The following ESR1 variants were observed in gnomAD, a reference collection of about 807,000 sequenced individuals.
ESR1 encodes the protein estrogen receptor 1.
In ESR1, 12 loss-of-function variants were observed where a neutral mutation model predicts 52.7. The observed-to-expected ratio is 0.23, with a 90% CI of 0.15 to 0.37. ESR1 has a LOEUF of 0.37. Ranked by LOEUF, ESR1 falls within the 10% of genes least tolerant of loss-of-function variation. ESR1 has a pLI of 1.00. For synonymous variants in ESR1, 305 were observed against 316.8 expected (o/e 0.96, Z 0.39); for missense variants, 584 against 779.7 (o/e 0.75, Z 2.99).
intron 4 of ESR1, among the ~76,000 whole-genome samples, chr6:151,994,768 T>A (rs1023504821): frequency 1.3e-5 from 2 of 152,154 alleles, no homozygotes; most frequent in Non-Finnish European, 2.9e-5. Context: ...AATCTCATTT[T>A]AAAAATATCA....
At chr6:151,995,749 A>C (rs941695283) in intron 4 of ESR1, among the ~76,000 whole-genome samples, 1 of 152,164 alleles carries the variant, frequency 6.6e-6, no homozygotes, top group Non-Finnish European at 1.5e-5. Context: ...AACTGGATTG[A>C]ATCACCTTGA....
intron 1 of ESR1, among the ~76,000 whole-genome samples, chr6:151,666,627 C>G (rs1044280390): frequency 6.6e-6 from 1 of 151,802 alleles, no homozygotes; most frequent in Non-Finnish European, 1.5e-5. Context: ...AGCCAGAGCA[C>G]CTTCACTGAG....
At chr6:151,918,039 T>G (rs1156823065) in intron 3 of ESR1, among the ~76,000 whole-genome samples, 1 of 152,226 alleles carries the variant, frequency 6.6e-6, no homozygotes, top group Admixed American at 6.5e-5. Flanking sequence ...CAAGTGCTTT[T>G]CAGTCAGTCC....
intron 1 of ESR1, among the ~76,000 whole-genome samples, chr6:151,690,885 A>G (rs1203042240): frequency 6.6e-6 from 1 of 152,182 alleles, no homozygotes; most frequent in Admixed American, 6.5e-5. Flanking sequence ...CACTTCTAGA[A>G]TAATATTTAG....
At chr6:151,857,329 C>T (rs916886888) in intron 2 of ESR1, among the ~76,000 whole-genome samples, 5 of 151,852 alleles carry the variant, frequency 3.3e-5, no homozygotes, top group Admixed American at 6.6e-5. Context: ...GGATGATGTG[C>T]GTAGGTTATA....
intron 2 of ESR1, among the ~76,000 whole-genome samples, chr6:151,870,939 C>T (rs1342830701): frequency 1.3e-5 from 2 of 152,020 alleles, no homozygotes; most frequent in Non-Finnish European, 2.9e-5. Flanking sequence ...GCAACCTCGA[C>T]CTCCTAGGAT....
intron 4 of ESR1, among the ~76,000 whole-genome samples, chr6:151,954,757 G>A (rs2036712291): frequency 6.6e-6 from 1 of 152,196 alleles, no homozygotes; most frequent in South Asian, 2.1e-4. Context: ...TCCAAAACAT[G>A]CATTCAAGTT....
intron 2 of ESR1, among the ~76,000 whole-genome samples, chr6:151,846,746 G>A (rs1352569780): frequency 6.6e-6 from 1 of 152,200 alleles, no homozygotes; most frequent in Non-Finnish European, 1.5e-5. Context: ...AAAAAGCAAA[G>A]TGAAGGATGC....
intron 2 of ESR1, among the ~76,000 whole-genome samples, chr6:151,787,743 G>T (rs759017906): frequency 2.0e-5 from 3 of 152,070 alleles, no homozygotes; most frequent in African/African-American, 4.8e-5. Flanking sequence ...AGGAGCTTTT[G>T]GGCCAACACT....
At chr6:152,106,714 G>T (rs149300552), downstream of ESR1, among the ~76,000 whole-genome samples, 1 of 152,054 alleles carries the variant, frequency 6.6e-6, no homozygotes, top group African/African-American at 2.4e-5. Flanking sequence ...TTAGCCTCCC[G>T]AGTAGCTGGA....
chr6:152,002,840 G>A (rs1350406218), intron 4 of ESR1, among the ~76,000 whole-genome samples: 1 of 152,030 alleles, frequency 6.6e-6, no homozygotes, highest in Non-Finnish European at 1.5e-5. Context: ...AAGCTGTGCT[G>A]TATCAGAGTA....
At chr6:151,816,020 A>G (rs1229635708) in intron 1 of ESR1, among the ~76,000 whole-genome samples, 1 of 152,234 alleles carries the variant, frequency 6.6e-6, no homozygotes, top group Non-Finnish European at 1.5e-5. Context: ...TACGTGTTTG[A>G]TAAGCTTTAT....
chr6:151,977,090 C>T (rs1377302835), intron 4 of ESR1, among the ~76,000 whole-genome samples: 2 of 151,974 alleles, frequency 1.3e-5, no homozygotes, highest in Admixed American at 1.3e-4. Flanking sequence ...TATTACTGAG[C>T]TGGCAAGAAA....
chr6:151,739,602 C>T (rs2128054796), intron 2 of ESR1, among the ~76,000 whole-genome samples: 1 of 152,336 alleles, frequency 6.6e-6, no homozygotes, highest in East Asian at 1.9e-4. Context: ...TTCACTAAGC[C>T]TTTCTCCTTG....
intron 5 of ESR1, among the ~76,000 whole-genome samples, chr6:152,045,815 AAGTGGAGCTTAGTAATTAAAG>A (rs2046187078): frequency 6.6e-6 from 1 of 152,208 alleles, no homozygotes; most frequent in Admixed American, 6.5e-5. Flanking sequence ...TGGTCACTAG[AAGTGGAGCTTAGTAATTAAAG>A]AAAAAGAGTG....
chr6:151,785,247 TG>T (rs1169500575), intron 2 of ESR1, among the ~76,000 whole-genome samples: 1 of 152,126 alleles, frequency 6.6e-6, no homozygotes, highest in Non-Finnish European at 1.5e-5. Flanking sequence ...AAGATGAGCC[TG>T]GAGACGGGGA....
chr6:151,847,781 T>C (rs1026415978), intron 2 of ESR1, among the ~76,000 whole-genome samples: 1 of 142,244 alleles, frequency 7.0e-6, no homozygotes, highest in African/African-American at 2.7e-5. Flanking sequence ...TTTGTTGCCA[T>C]TGCTTTTGGT....
chr6:151,966,130 T>A (rs2038246237), intron 4 of ESR1, among the ~76,000 whole-genome samples: 1 of 152,206 alleles, frequency 6.6e-6, no homozygotes, highest in Non-Finnish European at 1.5e-5. Flanking sequence ...AAAATTTGCT[T>A]TCACATTTGC....
chr6:151,947,005 A>G (rs6909026), intron 4 of ESR1, among the ~76,000 whole-genome samples: 6,682 of 152,286 alleles, frequency 0.044, 390 homozygotes, highest in African/African-American at 0.13. Context: ...GAGAATGACA[A>G]TAATAATAGT....
Sources: gnomAD v4.1 joint callset for allele counts (sites outside exome capture counted in the v4.1 genomes callset) on GRCh38, gnomAD v4.1.1 for gene constraint, MANE v1.5 for transcripts, NCBI Gene and HGNC (gene_info 2026-07-23, HGNC 2026-07-21) for gene names.